The following C12orf42 variants were observed in gnomAD, a reference collection of about 807,000 sequenced individuals.
C12orf42 encodes the protein uncharacterized protein C12orf42.
C12orf42 carries 25 observed loss-of-function variants against 21.6 expected under a neutral mutation model. The observed-to-expected ratio is 1.16, with a 90% CI of 0.84 to 1.62. The LOEUF (loss-of-function observed/expected upper bound fraction) is 1.62, where lower values mean the gene tolerates loss of function less well. Ranked by LOEUF, C12orf42 falls within the 40% of genes most tolerant of loss-of-function variation. C12orf42 has a pLI of 0.00. For missense variants in C12orf42, 483 were observed against 459.3 expected (o/e 1.05, Z -0.47); for synonymous variants, 174 against 175.0 (o/e 0.99, Z 0.05).
At chr12:103,221,843 A>C in the C12orf42 span, among the ~76,000 whole-genome samples, 3 of 152,214 alleles carry the variant, frequency 2.0e-5, no homozygotes, top group Non-Finnish European at 4.4e-5. Flanking sequence ...GAAACTGAAT[A>C]GCAAGGCTGA....
At chr12:103,489,381 G>A (rs1483448748) in intron 1 of C12orf42, among the ~76,000 whole-genome samples, 1 of 152,220 alleles carries the variant, frequency 6.6e-6, no homozygotes, top group Admixed American at 6.5e-5. Context: ...AATGGGAGGT[G>A]TCTCCCAGTT....
chr12:103,343,786 A>G (rs532570644), intron 4 of C12orf42, among the ~76,000 whole-genome samples: 2 of 152,018 alleles, frequency 1.3e-5, no homozygotes, highest in South Asian at 4.2e-4. Flanking sequence ...AAAAAAAAAA[A>G]AAAAGAAAAA....
chr12:103,524,955 GT>G, the C12orf42 span, among the ~76,000 whole-genome samples: 2 of 90,594 alleles, frequency 2.2e-5, no homozygotes, highest in Non-Finnish European at 2.1e-5. Context: ...GTTCTTTTTA[GT>G]TTTTTTGGGG....
chr12:103,525,965 G>T, the C12orf42 span, among the ~76,000 whole-genome samples: 4 of 152,204 alleles, frequency 2.6e-5, no homozygotes, highest in Non-Finnish European at 5.9e-5. Flanking sequence ...GGCGGAGGTT[G>T]CAGTGAGCCA....
chr12:103,431,885 C>T (rs1201686544), intron 2 of C12orf42, among the ~76,000 whole-genome samples: 1 of 152,114 alleles, frequency 6.6e-6, no homozygotes, highest in African/African-American at 2.4e-5. Flanking sequence ...GGGCATAAGG[C>T]AGGAGAGAAA....
chr12:103,561,093 C>T, the C12orf42 span, among the ~76,000 whole-genome samples: 5 of 152,242 alleles, frequency 3.3e-5, no homozygotes, highest in African/African-American at 9.6e-5. Flanking sequence ...CTCTGGAATC[C>T]TCTCTCCCCC....
intron 4 of C12orf42, among the ~76,000 whole-genome samples, chr12:103,280,633 C>A (rs946303609): frequency 1.3e-5 from 2 of 151,740 alleles, no homozygotes; most frequent in African/African-American, 4.8e-5. Flanking sequence ...CAAAAAAAAT[C>A]TTGAATGGTA....
the C12orf42 span, among the ~76,000 whole-genome samples, chr12:103,508,689 A>G: frequency 1.3e-5 from 2 of 152,194 alleles, no homozygotes; most frequent in African/African-American, 4.8e-5. Context: ...ACTTATAAAT[A>G]TGTGTGTCCT....
chr12:103,117,894 T>G, the C12orf42 span, among the ~76,000 whole-genome samples: 1 of 152,216 alleles, frequency 6.6e-6, no homozygotes, highest in Non-Finnish European at 1.5e-5. Flanking sequence ...AAAACTTAGG[T>G]TCATTCTTCT....
chr12:103,283,381 A>G (rs1566017299), intron 4 of C12orf42, among the ~76,000 whole-genome samples: 1 of 152,174 alleles, frequency 6.6e-6, no homozygotes, highest in Non-Finnish European at 1.5e-5. Flanking sequence ...TTTAATCTAC[A>G]TTCTGCTCTG....
At chr12:103,384,171 C>A (rs1218949839) in intron 3 of C12orf42, among the ~76,000 whole-genome samples, 1 of 152,140 alleles carries the variant, frequency 6.6e-6, no homozygotes, top group Non-Finnish European at 1.5e-5. Context: ...ACTGTAATAG[C>A]AGCTATGTAA....
intron 2 of C12orf42, among the ~76,000 whole-genome samples, chr12:103,419,774 C>T (rs1446993962): frequency 2.0e-5 from 3 of 152,140 alleles, no homozygotes; most frequent in South Asian, 4.1e-4. Context: ...TTCCTGGCCA[C>T]CTTGTGTGGA....
chr12:103,372,047 C>T (rs547965312), intron 3 of C12orf42, among the ~76,000 whole-genome samples: 1 of 152,162 alleles, frequency 6.6e-6, no homozygotes, highest in East Asian at 1.9e-4. Flanking sequence ...TATAAGTGTC[C>T]AAAAGAGAAA....
the C12orf42 span, among the ~76,000 whole-genome samples, chr12:103,540,614 CT>C: frequency 6.6e-6 from 1 of 152,190 alleles, no homozygotes; most frequent in Non-Finnish European, 1.5e-5. Flanking sequence ...GCAACCGCAG[CT>C]TTCCTGTGGC....
chr12:103,507,281 AT>A, the C12orf42 span, among the ~76,000 whole-genome samples: 85 of 60,484 alleles, frequency 1.4e-3, 12 homozygotes, highest in African/African-American at 6.0e-3. Flanking sequence ...TATTATATAT[AT>A]TTTTTTTTAA....
At chr12:103,476,285 T>C (rs765620331) in intron 2 of C12orf42, among the ~76,000 whole-genome samples, 4 of 152,160 alleles carry the variant, frequency 2.6e-5, no homozygotes, top group Non-Finnish European at 4.4e-5. Context: ...TGAGACCACA[T>C]ACTATATAAG....
At chr12:103,534,694 C>T in the C12orf42 span, among the ~76,000 whole-genome samples, 5 of 152,058 alleles carry the variant, frequency 3.3e-5, no homozygotes, top group Non-Finnish European at 7.4e-5. Context: ...TGGGGTGAGA[C>T]GGTTCTCTAT....
chr12:103,178,389 T>G, the C12orf42 span: 1 of 152,218 alleles, frequency 6.6e-6, no homozygotes, highest in Non-Finnish European at 1.5e-5. Flanking sequence ...TAGTGAAGTT[T>G]CGAGTTCGGT....
chr12:103,370,152 G>A (rs1224805138), intron 3 of C12orf42, among the ~76,000 whole-genome samples: 1 of 152,118 alleles, frequency 6.6e-6, no homozygotes, highest in East Asian at 1.9e-4. Context: ...CTAATCATTA[G>A]AGAAATGCAA....
Sources: gnomAD v4.1 joint callset for allele counts (sites outside exome capture counted in the v4.1 genomes callset) on GRCh38, gnomAD v4.1.1 for gene constraint, MANE v1.5 for transcripts, NCBI Gene and HGNC (gene_info 2026-07-23, HGNC 2026-07-21) for gene names.